NELL2: variants seen among roughly 807,000 people sequenced by gnomAD.
NELL2 encodes protein kinase C-binding protein NELL2.
NELL2 carries 41 observed loss-of-function variants against 109.6 expected under a neutral mutation model. That is an observed-to-expected ratio of 0.37 (90% CI 0.29 to 0.49). The LOEUF (loss-of-function observed/expected upper bound fraction) is 0.49, where lower values mean the gene tolerates loss of function less well. NELL2 is among the 20% of genes least tolerant of loss of function. The pLI, the probability that NELL2 is intolerant of heterozygous loss-of-function variation, is 0.98. For missense variants in NELL2, 900 were observed against 1,008.3 expected (o/e 0.89, Z 1.45); for synonymous variants, 355 against 344.7 (o/e 1.03, Z -0.33).
At chr12:44,648,831 G>A (rs1947194830) in intron 13 of NELL2, among the ~76,000 whole-genome samples, 1 of 146,270 alleles carries the variant, frequency 6.8e-6, no homozygotes, top group Non-Finnish European at 1.5e-5. Context: ...CGCCTCCCAG[G>A]TCCAAGCGAT....
In NELL2 at chr12:44,618,482, C is replaced by A. The variant is rs11182564; in HGVS notation, c.1445-7512G>T. Among the ~76,000 whole-genome samples the A allele has an allele frequency of 1.2e-3, 181 of 152,236 alleles. 2 individuals carry two copies. In the East Asian group the frequency reaches 0.026, roughly 22 times the overall value. ...CCTTATAGTAATTTCATAAGCTAATCCAACTATTGATTTTATTGCTAAGAC... is the reference window on the plus strand; with the variant it reads ...CCTTATAGTAATTTCATAAGCTAATACAACTATTGATTTTATTGCTAAGAC... On this transcript the variant is annotated intron_variant, in intron 13 of 19. Coordinates refer to ENST00000429094, the MANE Select transcript of NELL2 (RefSeq NM_001145108.2).
chr12:44,702,218 C>A (rs946276825), intron 12 of NELL2, among the ~76,000 whole-genome samples: 8 of 152,108 alleles, frequency 5.3e-5, no homozygotes, highest in Non-Finnish European at 1.0e-4. Flanking sequence ...TTAATTTTTA[C>A]TACCCGAAAT....
chr12:44,745,789 A>C (rs1483465813), intron 9 of NELL2, among the ~76,000 whole-genome samples: 2 of 152,214 alleles, frequency 1.3e-5, no homozygotes, highest in African/African-American at 4.8e-5. Context: ...TGCTCAATGA[A>C]ATAAAAGAGG....
intron 1 of NELL2, among the ~76,000 whole-genome samples, chr12:44,909,743 A>G (rs1288601381): frequency 1.2e-5 from 1 of 84,640 alleles, no homozygotes; most frequent in African/African-American, 8.7e-5. Flanking sequence ...ACAGACACAG[A>G]CACACACACA....
chr12:44,715,903 C>CT (rs1377613318), intron 9 of NELL2, among the ~76,000 whole-genome samples: 3 of 152,060 alleles, frequency 2.0e-5, no homozygotes, highest in African/African-American at 7.2e-5. Flanking sequence ...ACCTTTAAAA[C>CT]TATCAACTTG....
intron 19 of NELL2, among the ~76,000 whole-genome samples, chr12:44,511,662 T>A (rs919262632): frequency 6.6e-6 from 1 of 152,102 alleles, no homozygotes; most frequent in Non-Finnish European, 1.5e-5. Flanking sequence ...AAAGAGCAAA[T>A]CAAGAGAGCC....
intron 3 of NELL2, among the ~76,000 whole-genome samples, chr12:44,791,072 T>C (rs1325165704): frequency 9.4e-5 from 1 of 10,600 alleles, no homozygotes; most frequent in African/African-American, 1.8e-4. Context: ...CAAGTATATA[T>C]ATATATATAC....
intron 1 of NELL2, among the ~76,000 whole-genome samples, chr12:44,907,202 T>A (rs1945729448): frequency 6.6e-6 from 1 of 152,112 alleles, no homozygotes; most frequent in Non-Finnish European, 1.5e-5. Flanking sequence ...CTTTCCTTCA[T>A]AAATTACCCA....
rs567905760 is a variant in NELL2 at position 44,525,145 on chromosome 12, T to C, written c.1805-1661A>G. Among the ~76,000 whole-genome samples, 152 of 152,342 alleles carry C rather than the reference T, an allele frequency of 1.0e-3. No individual in the cohort carries two copies. In the Middle Eastern group the frequency reaches 0.01, roughly 10 times the overall value. On this transcript the variant is annotated intron_variant, in intron 16 of 19. Coordinates refer to ENST00000429094, the MANE Select transcript of NELL2 (RefSeq NM_001145108.2). Reference sequence around the variant, plus strand: ...GGTCTACTATAAGGACATTATTCCATGAATGGCAATGGCCGAATTTTTGCA... The same window carrying C: ...GGTCTACTATAAGGACATTATTCCACGAATGGCAATGGCCGAATTTTTGCA...
At chr12:44,556,408 G>A (rs140894784) in intron 15 of NELL2, among the ~76,000 whole-genome samples, 279 of 152,196 alleles carry the variant, frequency 1.8e-3, no homozygotes, top group African/African-American at 6.2e-3. Flanking sequence ...AGCAGCATGC[G>A]GGGATGAAAC....
chr12:44,718,975 G>C (rs1259789062), intron 9 of NELL2, among the ~76,000 whole-genome samples: 2 of 152,080 alleles, frequency 1.3e-5, no homozygotes, highest in African/African-American at 4.8e-5. Flanking sequence ...CAACAACTTG[G>C]AGAAATTCAA....
At position 44,621,617 on chromosome 12, in the gene NELL2, T is replaced by C. The variant is rs1365540329; in HGVS notation, c.1445-10647A>G. ...AGCCTCATATCTGATCAAATTTTGC[T>C]GCCAAATGAATTCTAAAAAATAAAC... On this transcript the variant is annotated intron_variant, in intron 13 of 19. Coordinates refer to ENST00000429094, the MANE Select transcript of NELL2 (RefSeq NM_001145108.2). 2.0e-5 allele frequency among the ~76,000 whole-genome samples: 3 copies of C among 152,190 alleles called. No homozygotes were observed. The East Asian group carries it at 5.8e-4, about 29-fold the overall frequency.
chr12:44,514,451 TGACAGAGAGA>T (rs1178607472), intron 19 of NELL2, among the ~76,000 whole-genome samples: 5 of 151,828 alleles, frequency 3.3e-5, no homozygotes, highest in Non-Finnish European at 7.4e-5. Context: ...TAAAACATTT[TGACAGAGAGA>T]GATAGAGAGA....
rs201729900 is a variant in NELL2, at chr12:44,607,270, A to G, written c.1568-6T>C. The G allele has an allele frequency of 7.6e-5, 122 of 1,609,454 alleles. No individual in the cohort carries two copies. In the African/African-American group the frequency reaches 1.4e-3, roughly 18 times the overall value. On this transcript the variant is annotated splice_polypyrimidine_tract_variant and splice_region_variant and intron_variant, in intron 14 of 19. Transcript: ENST00000429094. ...ACAGCCATCTTTGCAAAATGCTAAA[A>G]TAATTCAGATACATGATTTTAGCAC...
chr12:44,875,657 A>G, intron 1 of NELL2, 158 bp downstream of exon 1: 1 of 559,120 alleles, frequency 1.8e-6, no homozygotes, highest in Non-Finnish European at 2.6e-6. Flanking sequence ...GCAAGCACAG[A>G]AAAAAAAAAA....
intron 12 of NELL2, among the ~76,000 whole-genome samples, chr12:44,666,859 T>C (rs1381218858): frequency 1.3e-5 from 2 of 152,198 alleles, no homozygotes. Flanking sequence ...CTCAGTGTTC[T>C]GGCCACATAG....
rs915257984 is a variant in NELL2 at position 44,544,125 on chromosome 12, C to G, written c.1664-11404G>C. Among the ~76,000 whole-genome samples, 6 of 151,916 alleles carry G rather than the reference C, an allele frequency of 3.9e-5. No individual in the cohort carries two copies. The South Asian group carries it at 1.2e-3, about 32-fold the overall frequency. ...TAAAAAAAAACCATTGTAGTTGATACGATGCGAAATGAAGGTGGAAAAATA... is the reference window on the plus strand; with the variant it reads ...TAAAAAAAAACCATTGTAGTTGATAGGATGCGAAATGAAGGTGGAAAAATA... On this transcript the variant is annotated intron_variant, in intron 15 of 19. Transcript: ENST00000429094.
chr12:44,677,992 G>T (rs1159130086), intron 12 of NELL2, among the ~76,000 whole-genome samples: 2 of 152,104 alleles, frequency 1.3e-5, no homozygotes, highest in Admixed American at 6.6e-5. Context: ...TAGAGATCAA[G>T]ATTTGAGAGT....
chr12:44,858,208 T>C (rs1319750269), intron 2 of NELL2, among the ~76,000 whole-genome samples: 1 of 152,136 alleles, frequency 6.6e-6, no homozygotes, highest in Non-Finnish European at 1.5e-5. Context: ...TTCATACAAC[T>C]AGTAAAGGAG....
Sources: gnomAD v4.1 joint callset for allele counts (sites outside exome capture counted in the v4.1 genomes callset) on GRCh38, gnomAD v4.1.1 for gene constraint, MANE v1.5 for transcripts, NCBI Gene and HGNC (gene_info 2026-07-23, HGNC 2026-07-21) for gene names.